The following TTLL11 variants were observed in gnomAD, a reference collection of about 807,000 sequenced individuals.
TTLL11 encodes the protein tubulin tyrosine ligase like 11.
A neutral mutation model predicts 51.7 loss-of-function variants in TTLL11; 42 were observed. The observed-to-expected ratio is 0.81, with a 90% confidence interval of 0.64 to 1.05. TTLL11 has a LOEUF of 1.05. TTLL11 is among the 50% of genes least tolerant of loss of function. The pLI is 0.00. For missense variants in TTLL11, 799 were observed against 940.4 expected (o/e 0.85, Z 1.97); for synonymous variants, 381 against 383.5 (o/e 0.99, Z 0.08).
intron 6 of TTLL11, among the ~76,000 whole-genome samples, chr9:121,923,180 G>T (rs1308182564): frequency 6.6e-6 from 1 of 152,150 alleles, no homozygotes; most frequent in African/African-American, 2.4e-5. Context: ...ACAAAATTGA[G>T]TACCACATAA....
intron 1 of TTLL11, among the ~76,000 whole-genome samples, chr9:122,044,693 A>C (rs1272186373): frequency 3.3e-5 from 5 of 152,260 alleles, no homozygotes; most frequent in African/African-American, 1.2e-4. Flanking sequence ...TCCTGAATAG[A>C]CATTTCTCCT....
intron 1 of TTLL11, among the ~76,000 whole-genome samples, chr9:122,088,536 C>T (rs553130577): frequency 6.6e-6 from 1 of 152,184 alleles, no homozygotes; most frequent in Non-Finnish European, 1.5e-5. Context: ...CTGTGTATTT[C>T]CATGTTCTCA....
intron 6 of TTLL11, among the ~76,000 whole-genome samples, chr9:121,931,286 T>A (rs1840958127): frequency 6.6e-6 from 1 of 152,210 alleles, no homozygotes; most frequent in Non-Finnish European, 1.5e-5. Flanking sequence ...CAGAGCCCCT[T>A]GTGGGCATGC....
chr9:122,016,415 C>G (rs1843982654), intron 3 of TTLL11, among the ~76,000 whole-genome samples: 1 of 152,128 alleles, frequency 6.6e-6, no homozygotes. Context: ...CAAAGTCGGT[C>G]AAATCAGCAC....
At chr9:121,839,747 C>A (rs1837294058) in intron 8 of TTLL11, among the ~76,000 whole-genome samples, 1 of 152,210 alleles carries the variant, frequency 6.6e-6, no homozygotes, top group Admixed American at 6.5e-5. Flanking sequence ...GACTGTCCAG[C>A]AGTTAACTGG....
At chr9:121,877,462 G>A (rs1588088111) in intron 6 of TTLL11, among the ~76,000 whole-genome samples, 1 of 152,148 alleles carries the variant, frequency 6.6e-6, no homozygotes, top group Middle Eastern at 3.4e-3. Flanking sequence ...AGGACTTAAC[G>A]AGAGAGCTCT....
chr9:121,817,943 T>G lies in TTLL11; in HGVS notation c.*4644A>C, dbSNP rs1271240749. The G allele has an allele frequency of 2.0e-5, 3 of 152,246 alleles. No individual in the cohort carries two copies. The highest frequency in any genetic ancestry group is 4.4e-5 in the Non-Finnish European group (3 of 68,080). The allele number at this position is 152,246 out of a possible 1,614,324, so 9.4% of individuals were successfully genotyped here. A position where few individuals can be genotyped will look rare whatever the true frequency, so the allele number is the denominator to read the frequency against. On this transcript the variant is annotated 3_prime_UTR_variant, in exon 9 of 9. Coordinates refer to ENST00000321582, the MANE Select transcript of TTLL11 (RefSeq NM_001139442.2). ...CTGTGAAGGATTGAGCATGTGCTGATAAAATCATGCAGGAAAGGGCCTGGG... is the reference window on the plus strand; with the variant it reads ...CTGTGAAGGATTGAGCATGTGCTGAGAAAATCATGCAGGAAAGGGCCTGGG...
At chr9:121,986,165 G>A (rs1411672700) in intron 4 of TTLL11, among the ~76,000 whole-genome samples, 40 of 152,188 alleles carry the variant, frequency 2.6e-4, no homozygotes. Context: ...GACATGATCT[G>A]TCCAAACCAG....
intron 1 of TTLL11, among the ~76,000 whole-genome samples, chr9:122,063,229 T>C (rs1435770027): frequency 1.3e-5 from 2 of 152,212 alleles, no homozygotes; most frequent in African/African-American, 4.8e-5. Flanking sequence ...TAAATACATA[T>C]TAAAATAATT....
At chr9:121,938,799 C>A (rs1841334409) in intron 6 of TTLL11, among the ~76,000 whole-genome samples, 1 of 152,120 alleles carries the variant, frequency 6.6e-6, no homozygotes, top group Admixed American at 6.5e-5. Flanking sequence ...GTTTCATAAC[C>A]AGGTGTTGGC....
intron 1 of TTLL11, among the ~76,000 whole-genome samples, chr9:122,079,095 C>T (rs1845936254): frequency 6.6e-6 from 1 of 151,942 alleles, no homozygotes; most frequent in African/African-American, 2.4e-5. Context: ...TTGGGTTTCT[C>T]TTGGGTATAT....
rs535532591 is a variant in TTLL11 at position 122,081,247 on chromosome 9, C to A, written c.462+11440G>T. Among the ~76,000 whole-genome samples, 3 of 152,332 alleles carry A rather than the reference C, an allele frequency of 2.0e-5. No homozygotes were observed. The East Asian group carries it at 5.8e-4, about 29-fold the overall frequency. ...AGAGGAGCAATACGGTCCACTAGAA[C>A]AAGACCTGGCCTACAAGCCAGGAGA... is the stretch of plus-strand genomic sequence containing the variant. On this transcript the variant is annotated intron_variant, in intron 1 of 8. Transcript: ENST00000321582.
chr9:122,067,479 C>G (rs1222322131), intron 1 of TTLL11, among the ~76,000 whole-genome samples: 1 of 152,106 alleles, frequency 6.6e-6, no homozygotes, highest in African/African-American at 2.4e-5. Context: ...ATCCAAGGCA[C>G]CATGAGAAGA....
intron 6 of TTLL11, among the ~76,000 whole-genome samples, chr9:121,936,059 T>G (rs189634752): frequency 1.0e-3 from 154 of 152,152 alleles, no homozygotes; most frequent in African/African-American, 3.6e-3. Flanking sequence ...ATACTCTACA[T>G]GAAGGGTGGT....
chr9:121,913,437 CA>C (rs1434152747), intron 6 of TTLL11, among the ~76,000 whole-genome samples: 1 of 152,200 alleles, frequency 6.6e-6, no homozygotes, highest in Non-Finnish European at 1.5e-5. Flanking sequence ...TGAAAATTTA[CA>C]GCTGATATTA....
intron 1 of TTLL11, among the ~76,000 whole-genome samples, chr9:122,071,509 C>T (rs1429619192): frequency 6.6e-6 from 1 of 152,182 alleles, no homozygotes; most frequent in African/African-American, 2.4e-5. Flanking sequence ...GGAGATGCCT[C>T]TTTGGGCCAC....
At chr9:121,848,268 C>T (rs1310571696) in intron 8 of TTLL11, among the ~76,000 whole-genome samples, 2 of 151,820 alleles carry the variant, frequency 1.3e-5, no homozygotes, top group African/African-American at 4.8e-5. Flanking sequence ...ATTACTTCCT[C>T]AACTTGATAA....
intron 6 of TTLL11, among the ~76,000 whole-genome samples, chr9:121,956,604 A>G (rs1266254000): frequency 6.6e-6 from 1 of 152,202 alleles, no homozygotes; most frequent in Non-Finnish European, 1.5e-5. Flanking sequence ...CGCCCTGCTG[A>G]GAGCCCAGTG....
At chr9:121,907,501 G>A (rs950478045) in intron 6 of TTLL11, among the ~76,000 whole-genome samples, 9 of 151,804 alleles carry the variant, frequency 5.9e-5, no homozygotes, top group South Asian at 2.1e-4. Flanking sequence ...AAGCTTGTCC[G>A]TGGATGAAGG....
Sources: allele counts gnomAD v4.1 joint callset (sites outside exome capture counted in the v4.1 genomes callset), GRCh38; gene constraint gnomAD v4.1.1; transcripts MANE v1.5; gene names NCBI Gene and HGNC (gene_info 2026-07-23, HGNC 2026-07-21).